Variants in ERGIC2 observed in about 807,000 individuals in gnomAD.
ERGIC2 encodes endoplasmic reticulum-Golgi intermediate compartment protein 2.
Under a neutral mutation model 52.5 loss-of-function variants are expected in ERGIC2, and 31 were observed. The ratio of observed to expected loss-of-function variants is 0.59; its 90% confidence interval spans 0.44 to 0.80. The LOEUF (loss-of-function observed/expected upper bound fraction) is 0.80, where lower values mean the gene tolerates loss of function less well. ERGIC2 is among the 30% of genes least tolerant of loss of function. The pLI is 0.00. For synonymous variants in ERGIC2, 129 were observed against 140.6 expected (o/e 0.92, Z 0.58); for missense variants, 395 against 455.2 (o/e 0.87, Z 1.20).
chr12:29,351,337 A>G (rs887444557), intron 8 of ERGIC2, among the ~76,000 whole-genome samples: 1 of 152,166 alleles, frequency 6.6e-6, no homozygotes, highest in Non-Finnish European at 1.5e-5. Flanking sequence ...CACCACCATC[A>G]GTTATAATAC....
chr12:29,368,168 A>AT (rs1940390455), intron 4 of ERGIC2, 73 bp downstream of exon 4: 3 of 914,336 alleles, frequency 3.3e-6, no homozygotes, highest in Non-Finnish European at 5.4e-6. Flanking sequence ...ACAACCAGTG[A>AT]TTTTTATTTT....
intron 6 of ERGIC2, among the ~76,000 whole-genome samples, chr12:29,358,430 A>G (rs1940238488): frequency 6.6e-6 from 1 of 152,180 alleles, no homozygotes; most frequent in Non-Finnish European, 1.5e-5. Context: ...ACAGCAGTGA[A>G]ATCATTCTGT....
chr12:29,379,309 C>T (rs1466191575), intron 1 of ERGIC2, among the ~76,000 whole-genome samples: 1 of 152,098 alleles, frequency 6.6e-6, no homozygotes, highest in African/African-American at 2.4e-5. Context: ...TAATAAGGCA[C>T]TCAGAGGGTA....
At chr12:29,349,955 T>C (rs1940108750) in intron 9 of ERGIC2, 58 bp downstream of exon 9, 3 of 1,115,438 alleles carry the variant, frequency 2.7e-6, no homozygotes, top group Non-Finnish European at 4.0e-6. Context: ...ATCTGCACTT[T>C]TAAAAATAAT....
chr12:29,366,736 A>G, intron 5 of ERGIC2, 141 bp downstream of exon 5: 1 of 469,306 alleles, frequency 2.1e-6, no homozygotes, highest in Non-Finnish European at 3.7e-6. Flanking sequence ...CCCTAAATTT[A>G]TTACAAAGAA....
At chr12:29,356,874 CAA>C (rs894425406) in intron 7 of ERGIC2, among the ~76,000 whole-genome samples, 2 of 151,878 alleles carry the variant, frequency 1.3e-5, no homozygotes, top group African/African-American at 4.8e-5. Flanking sequence ...CACCTAAATT[CAA>C]AGAGACAGTG....
At chr12:29,373,568 T>C (rs896230958) in intron 1 of ERGIC2, among the ~76,000 whole-genome samples, 7 of 152,134 alleles carry the variant, frequency 4.6e-5, no homozygotes, top group Admixed American at 1.3e-4. Flanking sequence ...TAAACATGAA[T>C]ACTGTCTAAA....
chr12:29,365,107 A>G lies in ERGIC2; in HGVS notation c.333+1770T>C, dbSNP rs1441304362. Among the ~76,000 whole-genome samples, 4 of 152,104 alleles carry G rather than the reference A, an allele frequency of 2.6e-5. No individual in the cohort carries two copies. The East Asian group carries it at 7.7e-4, about 29-fold the overall frequency. ...TAACCCAGCAATCCCATTACTGGGT[A>G]TATACTCAAAGGAAAATAAATCATT... On this transcript the variant is annotated intron_variant, in intron 5 of 13. Transcript: ENST00000360150.
rs2136841875 is a variant in ERGIC2 at position 29,338,490 on chromosome 12, A to G, written c.*2666T>C. 6.6e-6 allele frequency: 1 copy of G among 152,054 alleles called. No individual in the cohort carries two copies. The highest frequency in any genetic ancestry group is 1.9e-4 in the East Asian group (1 of 5,174). 9.4% of individuals were successfully genotyped at this position (152,054 alleles called of 1,614,324 possible). ...CAAGATACTAACTATATAAATGAAA[A>G]AGAATTAGCCAGGTTTGTTGGTGCA... On this transcript the variant is annotated 3_prime_UTR_variant, in exon 14 of 14. Transcript: ENST00000360150.
intron 7 of ERGIC2, 120 bp from the exon 8 acceptor site, chr12:29,356,597 T>C (rs370651745): frequency 5.7e-6 from 3 of 530,692 alleles, no homozygotes; most frequent in East Asian, 3.2e-5. Flanking sequence ...ATTCTAAATG[T>C]TAAAAATAGA....
At chr12:29,376,520 C>A (rs150031651) in intron 1 of ERGIC2, among the ~76,000 whole-genome samples, 2 of 152,154 alleles carry the variant, frequency 1.3e-5, no homozygotes, top group East Asian at 3.8e-4. Flanking sequence ...CTCCTGTGAC[C>A]TCCATCTTAA....
chr12:29,359,115 T>C (rs1431396069), intron 6 of ERGIC2, among the ~76,000 whole-genome samples: 4 of 151,926 alleles, frequency 2.6e-5, no homozygotes, highest in Non-Finnish European at 4.4e-5. Flanking sequence ...TAGGAAGATA[T>C]CTACCTTGGG....
intron 5 of ERGIC2, among the ~76,000 whole-genome samples, chr12:29,364,887 CA>C (rs1433238111): frequency 6.7e-6 from 1 of 149,592 alleles, no homozygotes; most frequent in Non-Finnish European, 1.5e-5. Context: ...AAATGCAAAT[CA>C]AAACCACAAT....
intron 10 of ERGIC2, among the ~76,000 whole-genome samples, chr12:29,348,393 A>G (rs1435611643): frequency 1.3e-5 from 2 of 152,082 alleles, no homozygotes; most frequent in East Asian, 1.9e-4. Flanking sequence ...AAAATGTCCA[A>G]TAGCTGGAAC....
chr12:29,374,804 A>G (rs1940492720), intron 1 of ERGIC2, among the ~76,000 whole-genome samples: 2 of 152,156 alleles, frequency 1.3e-5, no homozygotes, highest in African/African-American at 4.8e-5. Flanking sequence ...GCCACAATCT[A>G]TCACTACATT....
intron 3 of ERGIC2, 139 bp downstream of exon 3, chr12:29,369,972 TTAA>T (rs1339161503): frequency 1.5e-6 from 1 of 684,760 alleles, no homozygotes; most frequent in Non-Finnish European, 2.1e-6. Flanking sequence ...ATGCATGCAA[TTAA>T]TGAGAATTTT....
chr12:29,345,383 A>T, intron 11 of ERGIC2, 60 bp downstream of exon 11: 2 of 943,412 alleles, frequency 2.1e-6, no homozygotes, highest in Non-Finnish European at 3.3e-6. Flanking sequence ...TAGCCAGGAA[A>T]CTTTAAAATG....
chr12:29,347,185 T>C (rs1345230178), intron 10 of ERGIC2, among the ~76,000 whole-genome samples: 1 of 152,226 alleles, frequency 6.6e-6, no homozygotes, highest in Non-Finnish European at 1.5e-5. Context: ...AGTAATCATG[T>C]GTGGCTAAGC....
intron 3 of ERGIC2, among the ~76,000 whole-genome samples, chr12:29,369,890 A>T (rs1157212500): frequency 6.6e-6 from 1 of 151,968 alleles, no homozygotes; most frequent in Non-Finnish European, 1.5e-5. Flanking sequence ...TTTGAAACAA[A>T]GCATGCTAAA....
Sources: gnomAD v4.1 joint callset for allele counts (sites outside exome capture counted in the v4.1 genomes callset) on GRCh38, gnomAD v4.1.1 for gene constraint, MANE v1.5 for transcripts, NCBI Gene and HGNC (gene_info 2026-07-23, HGNC 2026-07-21) for gene names.